The following SCGN variants were observed in gnomAD, a reference collection of about 807,000 sequenced individuals.
The protein encoded by SCGN is secretagogin, EF-hand calcium binding protein.
Under a neutral mutation model 39.7 loss-of-function variants are expected in SCGN, and 30 were observed. The observed-to-expected ratio is 0.76, with a 90% CI of 0.57 to 1.03. The LOEUF (loss-of-function observed/expected upper bound fraction) is 1.03. Ranked by LOEUF, SCGN falls within the 50% of genes least tolerant of loss-of-function variation. The pLI is 0.00. For missense variants in SCGN, 353 were observed against 349.4 expected, an observed-to-expected ratio of 1.01 and a Z score of -0.08; for synonymous variants, 106 against 114.1, an observed-to-expected ratio of 0.93 and a Z score of 0.45.
intron 6 of SCGN, among the ~76,000 whole-genome samples, chr6:25,670,651 G>T (rs998785293): frequency 6.6e-6 from 1 of 152,210 alleles, no homozygotes; most frequent in Non-Finnish European, 1.5e-5. Context: ...TGAAGCACTT[G>T]CATACTGTCC....
intron 7 of SCGN, among the ~76,000 whole-genome samples, chr6:25,685,329 C>G (rs1229525429): frequency 6.6e-6 from 1 of 152,208 alleles, no homozygotes; most frequent in African/African-American, 2.4e-5. Flanking sequence ...TAGGATTTTT[C>G]TCTCTCTACT....
At chr6:25,701,166 C>T (rs776970561) in intron 10 of SCGN, 41 bp from the exon 11 acceptor site, 23 of 1,584,040 alleles carry the variant, frequency 1.5e-5, no homozygotes, top group Non-Finnish European at 1.9e-5. Context: ...GTGAGAACAC[C>T]ATTGGCTTGC....
chr6:25,676,913 T>C (rs776991192), intron 6 of SCGN, among the ~76,000 whole-genome samples: 3 of 152,216 alleles, frequency 2.0e-5, no homozygotes, highest in Non-Finnish European at 4.4e-5. Context: ...AATAAATGAA[T>C]GAATGATGCC....
Position 25,682,011 on chromosome 6 carries a change from G to C in SCGN, c.527+5G>C. The C allele has an allele frequency of 6.2e-7, 1 of 1,606,250 alleles. No homozygotes were observed. The highest frequency in any genetic ancestry group is 8.5e-7 in the Non-Finnish European group (1 of 1,172,846). On this transcript the variant is annotated splice_donor_5th_base_variant and intron_variant, in intron 7 of 10. Transcript: ENST00000377961. The stretch of plus-strand genomic sequence containing the variant: ...GGATCTAAATGACTTAGCAAGGTGA[G>C]TTACATGGAAATGATATCATACATT...
chr6:25,658,917 T>C (rs1180953551), intron 2 of SCGN, among the ~76,000 whole-genome samples: 4 of 152,222 alleles, frequency 2.6e-5, no homozygotes, highest in African/African-American at 9.6e-5. Flanking sequence ...GGCAGTTCCC[T>C]ATATATCCAG....
chr6:25,675,058 T>G (rs1759547268), intron 6 of SCGN, among the ~76,000 whole-genome samples: 1 of 152,164 alleles, frequency 6.6e-6, no homozygotes, highest in African/African-American at 2.4e-5. Context: ...AGAAATAAGT[T>G]TTCCTGTATT....
intron 7 of SCGN, among the ~76,000 whole-genome samples, chr6:25,685,332 T>C (rs1759691767): frequency 6.6e-6 from 1 of 152,208 alleles, no homozygotes; most frequent in Non-Finnish European, 1.5e-5. Flanking sequence ...GATTTTTCTC[T>C]CTCTACTTTC....
intron 2 of SCGN, among the ~76,000 whole-genome samples, chr6:25,660,475 T>A (rs1461171811): frequency 1.3e-5 from 2 of 152,198 alleles, no homozygotes; most frequent in East Asian, 3.9e-4. Context: ...CTGGGTTTTA[T>A]ACCTGAAAGC....
chr6:25,667,711 G>A (rs7747078), intron 4 of SCGN, among the ~76,000 whole-genome samples: 92,692 of 151,834 alleles, frequency 0.61, 28,647 homozygotes, highest in African/African-American at 0.67. Context: ...TCCTTTACCG[G>A]GAGTCTGCTG....
chr6:25,687,075 A>G (rs186040432), intron 7 of SCGN, among the ~76,000 whole-genome samples: 1 of 152,122 alleles, frequency 6.6e-6, no homozygotes, highest in Non-Finnish European at 1.5e-5. Context: ...ATATCACACT[A>G]TCTTGATTCT....
chr6:25,692,640 G>T (rs1582588932), intron 10 of SCGN, among the ~76,000 whole-genome samples: 1 of 152,290 alleles, frequency 6.6e-6, no homozygotes, highest in South Asian at 2.1e-4. Context: ...CAGGTCAGAG[G>T]TGTCATTTGT....
At chr6:25,673,154 C>G (rs1201977532) in intron 6 of SCGN, among the ~76,000 whole-genome samples, 1 of 152,150 alleles carries the variant, frequency 6.6e-6, no homozygotes, top group African/African-American at 2.4e-5. Context: ...TGCTATCTCC[C>G]CTGTCAGTGT....
chr6:25,690,637 G>A (rs1759763339), intron 9 of SCGN, among the ~76,000 whole-genome samples: 1 of 152,030 alleles, frequency 6.6e-6, no homozygotes, highest in African/African-American at 2.4e-5. Context: ...TAGTCTCCCT[G>A]GATTTAAAAT....
intron 6 of SCGN, among the ~76,000 whole-genome samples, chr6:25,671,849 T>C (rs932544652): frequency 2.0e-5 from 3 of 152,246 alleles, no homozygotes; most frequent in Non-Finnish European, 4.4e-5. Context: ...TTTAACAGAA[T>C]GTTAGCACTG....
At chr6:25,687,348 C>G (rs1268552309) in intron 7 of SCGN, among the ~76,000 whole-genome samples, 1 of 152,074 alleles carries the variant, frequency 6.6e-6, no homozygotes, top group Admixed American at 6.5e-5. Flanking sequence ...TTACTTAGCT[C>G]TTTAATTTCT....
At chr6:25,656,653 C>T (rs563534523) in intron 2 of SCGN, among the ~76,000 whole-genome samples, 1 of 152,096 alleles carries the variant, frequency 6.6e-6, no homozygotes, top group Non-Finnish European at 1.5e-5. Context: ...CCTGCTGTAG[C>T]CTAGCGTCTC....
chr6:25,689,752 CT>C (rs557962879), intron 9 of SCGN, among the ~76,000 whole-genome samples: 197 of 148,710 alleles, frequency 1.3e-3, no homozygotes, highest in Non-Finnish European at 2.2e-3. Flanking sequence ...AAAAAAATGA[CT>C]TTTTTTTTTG....
At chr6:25,656,341 C>T (rs981348552) in intron 2 of SCGN, among the ~76,000 whole-genome samples, 3 of 152,180 alleles carry the variant, frequency 2.0e-5, no homozygotes, top group Non-Finnish European at 4.4e-5. Context: ...ATTAGCGGAT[C>T]ACAGAGATCT....
At chr6:25,666,304 T>C (rs7757280) in intron 4 of SCGN, among the ~76,000 whole-genome samples, 42,430 of 151,694 alleles carry the variant, frequency 0.28, 5,993 homozygotes, top group African/African-American at 0.32. Flanking sequence ...GTAGTGAGCA[T>C]AGATCGCACC....
Sources: gnomAD v4.1 joint callset for allele counts (sites outside exome capture counted in the v4.1 genomes callset) on GRCh38, gnomAD v4.1.1 for gene constraint, MANE v1.5 for transcripts, NCBI Gene and HGNC (gene_info 2026-07-23, HGNC 2026-07-21) for gene names.